The following HECW2 variants were observed in gnomAD, a reference collection of about 807,000 sequenced individuals.
The protein encoded by HECW2 is E3 ubiquitin-protein ligase HECW2.
HECW2 carries 61 observed loss-of-function variants against 175.2 expected under a neutral mutation model. That is an observed-to-expected ratio of 0.35 (90% CI 0.28 to 0.43). The LOEUF (loss-of-function observed/expected upper bound fraction) is 0.43. HECW2 is among the 20% of genes least tolerant of loss of function. The probability of loss-of-function intolerance (pLI) is 1.00; values close to 1 mark genes in which losing one functional copy is unlikely to be tolerated. For missense variants in HECW2, 1,524 were observed against 2,000.5 expected (o/e 0.76, Z 4.54); for synonymous variants, 671 against 731.0 (o/e 0.92, Z 1.32).
chr2:196,495,331 G>T (rs1687353138), intron 1 of HECW2, among the ~76,000 whole-genome samples: 2 of 151,984 alleles, frequency 1.3e-5, no homozygotes, highest in Non-Finnish European at 2.9e-5. Context: ...CTCCCAAAGT[G>T]CTGGGATTAC....
intron 2 of HECW2, among the ~76,000 whole-genome samples, chr2:196,370,125 TG>T (rs1166945117): frequency 6.6e-6 from 1 of 152,004 alleles, no homozygotes. Flanking sequence ...GGGAATCTGC[TG>T]GGTCATACCT....
At chr2:196,555,795 C>T (rs960398327) in intron 1 of HECW2, among the ~76,000 whole-genome samples, 3 of 152,236 alleles carry the variant, frequency 2.0e-5, no homozygotes, top group African/African-American at 7.2e-5. Context: ...GCTCTTACAA[C>T]AAAGTATCAA....
At chr2:196,303,884 T>C (rs1691162378) in intron 13 of HECW2, among the ~76,000 whole-genome samples, 1 of 152,196 alleles carries the variant, frequency 6.6e-6, no homozygotes, top group Non-Finnish European at 1.5e-5. Context: ...TTAGCAAGAA[T>C]GTCATCTCTG....
Position 196,433,430 on chromosome 2 carries a change from T to C in HECW2, c.-7A>G. 6.2e-7 allele frequency: 1 copy of C among 1,609,890 alleles called. No homozygotes were observed. The highest frequency in any genetic ancestry group is 2.2e-5 in the East Asian group (1 of 44,794). ...CCCGGGCTGAACTAGCCATCCCGTC[T>C]GCTTCTCTGGGATTGGCTGCCTACA... On this transcript the variant is annotated 5_prime_UTR_variant, in exon 2 of 29. Coordinates refer to ENST00000644978, the MANE Select transcript of HECW2 (RefSeq NM_001348768.2).
At chr2:196,348,039 G>C (rs1693023892) in intron 2 of HECW2, among the ~76,000 whole-genome samples, 1 of 152,246 alleles carries the variant, frequency 6.6e-6, no homozygotes, top group Non-Finnish European at 1.5e-5. Flanking sequence ...GCTATGGCCA[G>C]CCTTGGCACA....
intron 3 of HECW2, among the ~76,000 whole-genome samples, chr2:196,336,373 T>C (rs1185796950): frequency 6.6e-6 from 1 of 152,194 alleles, no homozygotes; most frequent in Non-Finnish European, 1.5e-5. Context: ...CCGAGCAGAA[T>C]AAAGTGTGGT....
chr2:196,317,172 T>C (rs979472773), intron 10 of HECW2, 102 bp downstream of exon 10: 2 of 904,596 alleles, frequency 2.2e-6, no homozygotes, highest in Non-Finnish European at 3.5e-6. Flanking sequence ...TTCCTTCCGC[T>C]TGAAGACCAT....
chr2:196,261,914 C>T (rs562303064), intron 17 of HECW2, among the ~76,000 whole-genome samples: 2 of 152,254 alleles, frequency 1.3e-5, no homozygotes, highest in African/African-American at 4.8e-5. Flanking sequence ...TTCATGAGTC[C>T]ACCCAGCGTT....
At chr2:196,289,786 T>C (rs1193991149) in intron 14 of HECW2, 1 of 152,148 alleles carries the variant, frequency 6.6e-6, no homozygotes, top group African/African-American at 2.4e-5. Context: ...TGCCTATTCA[T>C]AAGACAGGAG....
chr2:196,561,571 T>C (rs1055138229), intron 1 of HECW2, among the ~76,000 whole-genome samples: 2 of 152,222 alleles, frequency 1.3e-5, no homozygotes, highest in Admixed American at 6.5e-5. Context: ...GGAGGCATCA[T>C]GGAACCTGCT....
chr2:196,195,039 A>AT lies in HECW2; in HGVS notation c.*6237dup, dbSNP rs1027715125. 2 of 152,246 alleles carry AT rather than the reference A, an allele frequency of 1.3e-5. No homozygotes were observed. Among genetic ancestry groups the AT allele is most frequent in the Non-Finnish European group, 2.9e-5 (2 of 68,036 alleles). 9.4% of individuals were successfully genotyped at this position (152,246 alleles called of 1,614,324 possible). A position where few individuals can be genotyped will look rare whatever the true frequency, so the allele number is the denominator to read the frequency against. On this transcript the variant is annotated 3_prime_UTR_variant, in exon 29 of 29. Coordinates refer to ENST00000644978, the MANE Select transcript of HECW2 (RefSeq NM_001348768.2). ...ATTTTGGAATGCCTGCATCCCTATT[A>AT]TAAAAACATGTAATTTTAAGCACTT...
At chr2:196,298,529 G>A (rs574318615) in intron 13 of HECW2, among the ~76,000 whole-genome samples, 29 of 150,984 alleles carry the variant, frequency 1.9e-4, no homozygotes, top group Middle Eastern at 3.4e-3. Context: ...TTAAGTTCTC[G>A]GGTACATGTG....
At chr2:196,319,979 C>T (rs1691879891) in intron 8 of HECW2, 75 bp from the exon 9 acceptor site, 1 of 1,393,190 alleles carries the variant, frequency 7.2e-7, no homozygotes, top group Non-Finnish European at 9.6e-7. Context: ...ATTTGCTTTG[C>T]CACCAATAAG....
chr2:196,199,211 C>T lies in HECW2; in HGVS notation c.*2066G>A, dbSNP rs986406221. ...ACTTAAAAAAAAGTGTGTTATACTACTTTTCCTTATAATGAAAAGAATACA... is the reference window on the plus strand; with the variant it reads ...ACTTAAAAAAAAGTGTGTTATACTATTTTTCCTTATAATGAAAAGAATACA... On this transcript the variant is annotated 3_prime_UTR_variant, in exon 29 of 29. Transcript: ENST00000644978. The T allele has an allele frequency of 6.6e-6, 1 of 152,528 alleles. No homozygotes were observed. Among genetic ancestry groups the T allele is most frequent in the African/African-American group, 2.4e-5 (1 of 41,430 alleles). 9.4% of individuals were successfully genotyped at this position (152,528 alleles called of 1,614,324 possible).
chr2:196,204,234 T>C (rs972758935), intron 28 of HECW2, among the ~76,000 whole-genome samples: 6 of 152,194 alleles, frequency 3.9e-5, no homozygotes, highest in Non-Finnish European at 7.3e-5. Context: ...AAGTGCAACA[T>C]CATATTGCAT....
At chr2:196,498,603 T>C (rs1269072370) in intron 1 of HECW2, among the ~76,000 whole-genome samples, 1 of 152,212 alleles carries the variant, frequency 6.6e-6, no homozygotes, top group East Asian at 1.9e-4. Context: ...AAGATGCTAA[T>C]AGTTCCTTAC....
At chr2:196,561,782 T>C (rs1690010526) in intron 1 of HECW2, among the ~76,000 whole-genome samples, 1 of 152,118 alleles carries the variant, frequency 6.6e-6, no homozygotes, top group Admixed American at 6.5e-5. Flanking sequence ...AACATCCAGC[T>C]ACAGGGAAAG....
intron 2 of HECW2, among the ~76,000 whole-genome samples, chr2:196,418,895 C>T (rs1325808075): frequency 6.6e-6 from 1 of 152,112 alleles, no homozygotes; most frequent in Non-Finnish European, 1.5e-5. Flanking sequence ...CATTGTTAAA[C>T]AAACAGATGA....
intron 2 of HECW2, among the ~76,000 whole-genome samples, chr2:196,352,171 A>C (rs1559060847): frequency 6.6e-6 from 1 of 152,174 alleles, no homozygotes; most frequent in Non-Finnish European, 1.5e-5. Flanking sequence ...CTTTATATTA[A>C]AGTCTTCTCT....
Sources: allele counts gnomAD v4.1 joint callset (sites outside exome capture counted in the v4.1 genomes callset), GRCh38; gene constraint gnomAD v4.1.1; transcripts MANE v1.5; gene names NCBI Gene and HGNC (gene_info 2026-07-23, HGNC 2026-07-21).